The following PHIP variants were observed in gnomAD, a reference collection of about 807,000 sequenced individuals.
The protein encoded by PHIP is PH-interacting protein.
A neutral mutation model predicts 236.8 loss-of-function variants in PHIP; 54 were observed. The ratio of observed to expected loss-of-function variants is 0.23; its 90% confidence interval spans 0.18 to 0.29. The LOEUF is 0.29. Ranked by LOEUF, PHIP falls within the 10% of genes least tolerant of loss-of-function variation. PHIP has a pLI of 1.00. For missense variants in PHIP, 1,370 were observed against 2,190.8 expected (o/e 0.63, Z 7.48); for synonymous variants, 756 against 718.9 (o/e 1.05, Z -0.83).
chr6:78,943,990 T>TTAA (rs1491455481), intron 39 of PHIP, among the ~76,000 whole-genome samples: 5 of 78,144 alleles, frequency 6.4e-5, no homozygotes, highest in African/African-American at 2.6e-4. Context: ...TGTCTTTTTT[T>TTAA]AAAAAAAAAA....
chr6:78,971,799 C>T (rs888481089), intron 24 of PHIP, among the ~76,000 whole-genome samples: 1 of 152,146 alleles, frequency 6.6e-6, no homozygotes, highest in African/African-American at 2.4e-5. Context: ...TCACTCCCAC[C>T]CGAATACTGC....
intron 22 of PHIP, among the ~76,000 whole-genome samples, chr6:78,984,905 T>G (rs1299306375): frequency 6.6e-6 from 1 of 152,178 alleles, no homozygotes; most frequent in Non-Finnish European, 1.5e-5. Context: ...ATCGCCAGTA[T>G]AAGGAGTTGA....
intron 7 of PHIP, among the ~76,000 whole-genome samples, chr6:79,037,992 T>A (rs751198925): frequency 1.3e-4 from 20 of 152,220 alleles, no homozygotes; most frequent in Non-Finnish European, 2.9e-5. Context: ...GCGGCAGTAC[T>A]CCACATTCAG....
intron 4 of PHIP, among the ~76,000 whole-genome samples, chr6:79,069,329 G>A (rs1027881020): frequency 6.6e-6 from 1 of 151,576 alleles, no homozygotes; most frequent in Non-Finnish European, 1.5e-5. Flanking sequence ...CTAACAGTGT[G>A]GGTTAAATTA....
chr6:79,058,479 G>C (rs1327024442), intron 6 of PHIP, among the ~76,000 whole-genome samples: 3 of 151,946 alleles, frequency 2.0e-5, no homozygotes, highest in Non-Finnish European at 4.4e-5. Context: ...CAATTTTCTT[G>C]AGTAGCCAAG....
chr6:79,050,478 A>C (rs1334861571), intron 6 of PHIP, among the ~76,000 whole-genome samples: 3 of 152,184 alleles, frequency 2.0e-5, no homozygotes, highest in African/African-American at 7.2e-5. Context: ...ACCCTTAACT[A>C]TTATATGCTG....
Position 79,060,485 on chromosome 6 carries a change from G to A in PHIP, c.432C>T (p.Pro144=). The change falls in exon 6 of 40, where the codon CCC becomes CCT. Residue 144 remains proline, a synonymous_variant. Coordinates refer to ENST00000275034, the MANE Select transcript of PHIP (RefSeq NM_017934.7). The part of the protein sequence containing the change: ...PESPVNYGSP[P]SIADTLFSRK... Reference sequence around the variant, plus strand: ...TGAACTCAAACAACTCACCAATGCTGGGTGGGCTACCATAGTTAACTGGTG... The same window carrying A: ...TGAACTCAAACAACTCACCAATGCTAGGTGGGCTACCATAGTTAACTGGTG... 1 of 1,610,992 alleles carries A rather than the reference G, an allele frequency of 6.2e-7. No individual in the cohort carries two copies. Among genetic ancestry groups the A allele is most frequent in the Non-Finnish European group, 8.5e-7 (1 of 1,177,910 alleles).
In PHIP at chr6:79,046,371, T is replaced by C. The variant is rs143389963; in HGVS notation, c.440-3368A>G. 6.4e-4 allele frequency among the ~76,000 whole-genome samples: 97 copies of C among 152,284 alleles called. 1 individual carries two copies. In the South Asian group the frequency reaches 8.1e-3, roughly 13 times the overall value. ...ACAGCCCCTGCCATCACCCATAACT[T>C]CTGATCCCCTTTTATTCAGCTTTAT... On this transcript the variant is annotated intron_variant, in intron 6 of 39. Coordinates refer to ENST00000275034, the MANE Select transcript of PHIP (RefSeq NM_017934.7).
At position 79,072,481 on chromosome 6, in the gene PHIP, AT is replaced by A. The variant is rs66481367; in HGVS notation, c.189+4966del. Reference sequence around the variant, plus strand: ...AAAGTAATTATAGTATCTTCCGAAGATTTTTTTTTTCTTTTCTTGAGACAGG... The same window carrying A: ...AAAGTAATTATAGTATCTTCCGAAGATTTTTTTTTCTTTTCTTGAGACAGG... On this transcript the variant is annotated intron_variant, in intron 4 of 39. Transcript: ENST00000275034. Among the ~76,000 whole-genome samples, 1,242 of 150,618 alleles carry A rather than the reference AT, an allele frequency of 8.2e-3. 14 individuals carry two copies. The highest frequency in any genetic ancestry group is 0.044 in the Middle Eastern group (13 of 294).
chr6:79,050,368 A>C (rs970299722), intron 6 of PHIP, among the ~76,000 whole-genome samples: 1 of 152,206 alleles, frequency 6.6e-6, no homozygotes, highest in African/African-American at 2.4e-5. Context: ...ATTCCCAATA[A>C]GCAGATATTC....
intron 23 of PHIP, 131 bp downstream of exon 23, chr6:78,982,751 CTGTG>C: frequency 1.8e-6 from 1 of 556,482 alleles, no homozygotes; most frequent in South Asian, 3.1e-5. Flanking sequence ...TTTTTTACTA[CTGTG>C]TATTTCTGAG....
chr6:79,057,664 C>T (rs1221366208), intron 6 of PHIP, among the ~76,000 whole-genome samples: 1 of 152,048 alleles, frequency 6.6e-6, no homozygotes, highest in Non-Finnish European at 1.5e-5. Flanking sequence ...TAATACCACA[C>T]TGACCAAGGA....
chr6:79,060,356 T>C (rs1773313111), intron 6 of PHIP, 122 bp downstream of exon 6: 1 of 579,928 alleles, frequency 1.7e-6, no homozygotes, highest in African/African-American at 1.9e-5. Flanking sequence ...TATTTTTTTC[T>C]TTTTGAATGC....
At chr6:79,047,635 TAGAG>T (rs1042135177) in intron 6 of PHIP, among the ~76,000 whole-genome samples, 1 of 152,134 alleles carries the variant, frequency 6.6e-6, no homozygotes, top group Admixed American at 6.6e-5. Context: ...GTTACATTAT[TAGAG>T]AAACATTTCC....
In PHIP at chr6:78,938,610, T is replaced by A. The variant is rs1773358094; in HGVS notation, c.*2083A>T. Reference sequence around the variant, plus strand: ...GAATGGTGTAACTGAAAGACTCATTTTTCTATACAATCAAGCCATCCATTT... The same window carrying A: ...GAATGGTGTAACTGAAAGACTCATTATTCTATACAATCAAGCCATCCATTT... On this transcript the variant is annotated 3_prime_UTR_variant, in exon 40 of 40. Coordinates refer to ENST00000275034, the MANE Select transcript of PHIP (RefSeq NM_017934.7). The A allele has an allele frequency of 6.6e-6, 1 of 151,732 alleles. No homozygotes were observed. Among genetic ancestry groups the A allele is most frequent in the Non-Finnish European group, 1.5e-5 (1 of 67,634 alleles). The allele number at this position is 151,732 out of a possible 1,614,324, so 9.4% of individuals were successfully genotyped here.
chr6:78,960,144 ATTCATATCCCTTTCATATCACTGT>A (rs1766681711), intron 31 of PHIP, among the ~76,000 whole-genome samples: 2 of 152,292 alleles, frequency 1.3e-5, no homozygotes, highest in South Asian at 4.1e-4. Context: ...TTTCTACTGA[ATTCATATCCCTTTCATATCACTGT>A]AAAGCTGAAA....
In PHIP at chr6:78,935,392, G is replaced by T; in HGVS notation, c.*5301C>A. 2.2e-6 allele frequency: 1 copy of T among 460,548 alleles called. No individual in the cohort carries two copies. Among genetic ancestry groups the T allele is most frequent in the African/African-American group, 2.1e-5 (1 of 47,082 alleles). The allele number at this position is 460,548 out of a possible 1,614,324, so 28.5% of individuals were successfully genotyped here. On this transcript the variant is annotated 3_prime_UTR_variant, in exon 40 of 40. Transcript: ENST00000275034. ...ATTGGGATTCTTAGTCAATAAAAAT[G>T]CATGCCAATCTGACAAAATTTCTAG...
intron 39 of PHIP, among the ~76,000 whole-genome samples, 189 bp downstream of exon 39, chr6:78,945,111 T>C (rs1773729620): frequency 6.6e-6 from 1 of 151,552 alleles, no homozygotes; most frequent in Non-Finnish European, 1.5e-5. Context: ...TGAGACAGGG[T>C]CTCATTCTGT....
Position 78,958,605 on chromosome 6 carries a change from A to G in PHIP, c.3657-5T>C. On this transcript the variant is annotated splice_region_variant and splice_polypyrimidine_tract_variant and intron_variant, in intron 31 of 39. Coordinates refer to ENST00000275034, the MANE Select transcript of PHIP (RefSeq NM_017934.7). ...CACATTAGGGAAGAAACCCGCCTTAAAAAAACAAAATATAGAAGTTTTAAC... is the reference window on the plus strand; with the variant it reads ...CACATTAGGGAAGAAACCCGCCTTAGAAAAACAAAATATAGAAGTTTTAAC... 1 of 1,531,734 alleles carries G rather than the reference A, an allele frequency of 6.5e-7. No homozygotes were observed. Among genetic ancestry groups the G allele is most frequent in the Non-Finnish European group, 9.0e-7 (1 of 1,112,862 alleles). The allele number at this position is 1,531,734 out of a possible 1,614,324, so 94.9% of individuals were successfully genotyped here.
Sources: gnomAD v4.1 joint callset for allele counts (sites outside exome capture counted in the v4.1 genomes callset) on GRCh38, gnomAD v4.1.1 for gene constraint, MANE v1.5 for transcripts, NCBI Gene and HGNC (gene_info 2026-07-23, HGNC 2026-07-21) for gene names.